Variants in TENM2 observed in about 807,000 individuals in gnomAD.
TENM2 encodes teneurin-2.
A neutral mutation model predicts 245.2 loss-of-function variants in TENM2; 52 were observed. That is an observed-to-expected ratio of 0.21 (90% CI 0.17 to 0.27). The LOEUF (loss-of-function observed/expected upper bound fraction) is 0.27. Ranked by LOEUF, TENM2 falls within the 10% of genes least tolerant of loss-of-function variation. The pLI is 1.00. For synonymous variants in TENM2, 1,363 were observed against 1,438.9 expected, an observed-to-expected ratio of 0.95 and a Z score of 1.19; for missense variants, 3,046 against 3,666.8, an observed-to-expected ratio of 0.83 and a Z score of 4.37.
At chr5:166,984,524 T>TA in the TENM2 span, among the ~76,000 whole-genome samples, 33 of 152,118 alleles carry the variant, frequency 2.2e-4, no homozygotes, top group Non-Finnish European at 2.9e-5. Flanking sequence ...TGGCAGAGGT[T>TA]AAAAAATCTC....
chr5:167,537,224 CAATATAG>C (rs1771908268), intron 2 of TENM2, among the ~76,000 whole-genome samples: 1 of 102,128 alleles, frequency 9.8e-6, no homozygotes, highest in African/African-American at 3.8e-5. Flanking sequence ...CCAGCCTGGG[CAATATAG>C]TGAGACCCCC....
At chr5:167,962,137 A>G (rs1781060545) in intron 4 of TENM2, among the ~76,000 whole-genome samples, 1 of 152,182 alleles carries the variant, frequency 6.6e-6, no homozygotes, top group Non-Finnish European at 1.5e-5. Context: ...GCTCTTCCAG[A>G]ATTTACTTTC....
intron 1 of TENM2, among the ~76,000 whole-genome samples, chr5:167,296,853 G>A (rs1050894457): frequency 2.0e-5 from 3 of 152,206 alleles, no homozygotes; most frequent in Non-Finnish European, 2.9e-5. Flanking sequence ...GGAGGCTACA[G>A]CAAAGTGCTG....
chr5:167,872,880 A>G (rs1275169538), intron 2 of TENM2, among the ~76,000 whole-genome samples: 1 of 152,258 alleles, frequency 6.6e-6, no homozygotes, highest in African/African-American at 2.4e-5. Context: ...CATGTAAAGA[A>G]TAATTTCACA....
intron 2 of TENM2, among the ~76,000 whole-genome samples, chr5:167,441,397 A>T (rs557114114): frequency 6.6e-6 from 1 of 152,198 alleles, no homozygotes; most frequent in Non-Finnish European, 1.5e-5. Context: ...TCAATTCTTC[A>T]TTTTTCAAGT....
the TENM2 span, among the ~76,000 whole-genome samples, chr5:167,011,494 T>G: frequency 6.6e-6 from 1 of 152,188 alleles, no homozygotes; most frequent in Non-Finnish European, 1.5e-5. Flanking sequence ...AAAAGGAGAC[T>G]TGCATATAAA....
chr5:167,645,941 T>G (rs1779899642), intron 2 of TENM2, among the ~76,000 whole-genome samples: 2 of 151,832 alleles, frequency 1.3e-5, no homozygotes, highest in South Asian at 4.2e-4. Context: ...TAAACTACAC[T>G]TGTGCTATTA....
intron 27 of TENM2, among the ~76,000 whole-genome samples, chr5:168,252,785 T>G (rs1371197133): frequency 1.3e-5 from 2 of 150,640 alleles, no homozygotes. Context: ...AGGCAGAGAT[T>G]GCAGTGAGCT....
upstream of TENM2, among the ~76,000 whole-genome samples, chr5:167,283,463 GT>G (rs55736339): frequency 0.087 from 13,218 of 152,208 alleles, 762 homozygotes; most frequent in East Asian, 0.18. Context: ...AGAACTCCTG[GT>G]GTGAAAAAAC....
At chr5:167,378,546 T>C (rs1184969039) in intron 2 of TENM2, among the ~76,000 whole-genome samples, 2 of 152,096 alleles carry the variant, frequency 1.3e-5, no homozygotes, top group Non-Finnish European at 2.9e-5. Context: ...TTGAAGTCAA[T>C]AATGATTTGG....
At chr5:167,474,539 A>G (rs1767243000) in intron 2 of TENM2, among the ~76,000 whole-genome samples, 1 of 146,684 alleles carries the variant, frequency 6.8e-6, no homozygotes, top group African/African-American at 2.5e-5. Context: ...TTTGAGACGG[A>G]GTCTCACTCT....
intron 1 of TENM2, among the ~76,000 whole-genome samples, chr5:167,365,902 A>C (rs1760019558): frequency 6.6e-6 from 1 of 152,048 alleles, no homozygotes; most frequent in South Asian, 2.1e-4. Flanking sequence ...TAAAATGTAT[A>C]GCATGAAATG....
the TENM2 span, among the ~76,000 whole-genome samples, chr5:167,011,609 A>T: frequency 7.2e-5 from 11 of 152,242 alleles, no homozygotes; most frequent in Non-Finnish European, 4.4e-5. Context: ...GGAGACAGTC[A>T]TTCAAATTTG....
chr5:168,199,495 G>T (rs191957005), intron 16 of TENM2, among the ~76,000 whole-genome samples: 1 of 152,262 alleles, frequency 6.6e-6, no homozygotes, highest in East Asian at 1.9e-4. Context: ...TGCTTTATAC[G>T]GATTGTCAGT....
At chr5:168,123,057 G>A (rs1795581883) in intron 10 of TENM2, among the ~76,000 whole-genome samples, 1 of 152,024 alleles carries the variant, frequency 6.6e-6, no homozygotes, top group Non-Finnish European at 1.5e-5. Flanking sequence ...AGCACTTTGG[G>A]AGGCTGAGAT....
chr5:168,150,662 A>G (rs1490449394), intron 12 of TENM2, among the ~76,000 whole-genome samples: 2 of 152,224 alleles, frequency 1.3e-5, no homozygotes, highest in African/African-American at 4.8e-5. Context: ...CTAAAGGGAA[A>G]TCTATATGGG....
At chr5:166,980,445 C>G in the TENM2 span, among the ~76,000 whole-genome samples, 1 of 152,172 alleles carries the variant, frequency 6.6e-6, no homozygotes, top group Non-Finnish European at 1.5e-5. Context: ...AGAACTCACT[C>G]TGTAACTCTG....
chr5:168,065,739 T>TAGA (rs1387471698), intron 7 of TENM2, among the ~76,000 whole-genome samples: 1 of 151,344 alleles, frequency 6.6e-6, no homozygotes, highest in East Asian at 1.9e-4. Flanking sequence ...ACACTCCTAA[T>TAGA]AGAAAGCAGT....
chr5:168,014,669 T>C (rs1348480153), intron 5 of TENM2, among the ~76,000 whole-genome samples: 3 of 152,230 alleles, frequency 2.0e-5, no homozygotes, highest in African/African-American at 7.2e-5. Context: ...AGTATTTTAT[T>C]TCATCATTCA....
Sources: allele counts gnomAD v4.1 joint callset (sites outside exome capture counted in the v4.1 genomes callset), GRCh38; gene constraint gnomAD v4.1.1; transcripts MANE v1.5; gene names NCBI Gene and HGNC (gene_info 2026-07-23, HGNC 2026-07-21).